Variants in OSBPL3 observed in about 807,000 individuals in gnomAD.
OSBPL3 encodes oxysterol-binding protein-related protein 3.
OSBPL3 carries 65 observed loss-of-function variants against 120.1 expected under a neutral mutation model. The observed-to-expected ratio is 0.54, with a 90% CI of 0.44 to 0.67. The LOEUF is 0.67. OSBPL3 is among the 30% of genes least tolerant of loss of function. The pLI is 0.00. For synonymous variants in OSBPL3, 416 were observed against 402.6 expected, an observed-to-expected ratio of 1.03 and a Z score of -0.40; for missense variants, 1,004 against 1,082.1, an observed-to-expected ratio of 0.93 and a Z score of 1.01.
intron 4 of OSBPL3, 91 bp from the exon 5 acceptor site, chr7:24,870,936 A>G (rs901836440): frequency 1.2e-6 from 1 of 823,872 alleles, no homozygotes; most frequent in Non-Finnish European, 2.1e-6. Flanking sequence ...CCCTGATAGT[A>G]AAATCACAAA....
chr7:24,917,419 T>TATATATATATATACAC (rs1164075805), intron 1 of OSBPL3, among the ~76,000 whole-genome samples: 3 of 141,732 alleles, frequency 2.1e-5, no homozygotes, highest in African/African-American at 7.9e-5. Context: ...TATATATATA[T>TATATATATATATACAC]ATATATATTT....
In OSBPL3 at chr7:24,862,857, A is replaced by T. The variant is rs1800769993; in HGVS notation, c.870+343T>A. ...ACAGGTCACAGCACACAGCAACTGC[A>T]GCCACAAAACAAGGCACAAACACAA... is the stretch of plus-strand genomic sequence containing the variant. On this transcript the variant is annotated intron_variant, in intron 9 of 22. Transcript: ENST00000313367. The surrounding 1 kb of genome is among the most constrained non-coding windows in gnomAD (Gnocchi z 4.4). 6.6e-6 allele frequency among the ~76,000 whole-genome samples: 1 copy of T among 152,208 alleles called. No individual in the cohort carries two copies. Among genetic ancestry groups the T allele is most frequent in the Non-Finnish European group, 1.5e-5 (1 of 68,040 alleles).
chr7:24,964,720 G>T lies in OSBPL3; in HGVS notation c.-150+15166C>A, dbSNP rs2128522980. On this transcript the variant is annotated intron_variant, in intron 1 of 22. Transcript: ENST00000313367. This position sits in a 1 kb window ranked among gnomAD's most constrained non-coding sequence, Gnocchi z 4.2. ...AGTTATTAATACTGCAACAGTACTG[G>T]TCTATTAATTGTGACAAAAGTATAC... Among the ~76,000 whole-genome samples, 1 of 152,278 alleles carries T rather than the reference G, an allele frequency of 6.6e-6. No individual in the cohort carries two copies. The highest frequency in any genetic ancestry group is 1.5e-5 in the Non-Finnish European group (1 of 68,006).
chr7:24,971,454 T>A (rs191949428), intron 1 of OSBPL3, among the ~76,000 whole-genome samples: 1 of 152,188 alleles, frequency 6.6e-6, no homozygotes, highest in Admixed American at 6.5e-5. Flanking sequence ...CAAAGCTGTA[T>A]GCACAGATGG....
chr7:24,866,080 G>GAAATGGAGTCAAACA lies in OSBPL3; in HGVS notation c.524_538dup (p.Ile179_Ser180insLeuPheAspSerIle). On this transcript the variant is annotated inframe_insertion, in exon 6 of 23. Coordinates refer to ENST00000313367, the MANE Select transcript of OSBPL3 (RefSeq NM_015550.4). ...CAAAACACTCATTACCTTCCTACTT[G>GAAATGGAGTCAAACA]AAATGGAGTCAAACACCCCAGATGA... 1 of 1,613,352 alleles carries GAAATGGAGTCAAACA rather than the reference G, an allele frequency of 6.2e-7. No homozygotes were observed.
At chr7:24,951,784 T>C (rs1350351824) in intron 1 of OSBPL3, among the ~76,000 whole-genome samples, 1 of 152,204 alleles carries the variant, frequency 6.6e-6, no homozygotes, top group African/African-American at 2.4e-5. Context: ...AAACTATTAA[T>C]TTCAGTCTAA....
At position 24,937,493 on chromosome 7, in the gene OSBPL3, T is replaced by C. The variant is rs1038229840; in HGVS notation, c.-150+42393A>G. Among the ~76,000 whole-genome samples the C allele has an allele frequency of 6.6e-6, 1 of 152,242 alleles. No homozygotes were observed. The highest frequency in any genetic ancestry group is 2.4e-5 in the African/African-American group (1 of 41,466). The stretch of plus-strand genomic sequence containing the variant: ...CATATAGTTTTAGTTCTTTCTGCTT[T>C]ATAGAATTTAATTTACTGAGTCCAT... On this transcript the variant is annotated intron_variant, in intron 1 of 22. Coordinates refer to ENST00000313367, the MANE Select transcript of OSBPL3 (RefSeq NM_015550.4). The surrounding 1 kb of genome is among the most constrained non-coding windows in gnomAD (Gnocchi z 4.0).
At chr7:24,963,861 C>A (rs907799682) in intron 1 of OSBPL3, among the ~76,000 whole-genome samples, 2 of 151,840 alleles carry the variant, frequency 1.3e-5, no homozygotes, top group African/African-American at 4.8e-5. Context: ...CAATATCACC[C>A]ATGCAAAAAA....
At position 24,946,999 on chromosome 7, in the gene OSBPL3, G is replaced by A. The variant is rs188336276; in HGVS notation, c.-150+32887C>T. ...AGCATTATTGTTCATTATTCTTGCC[G>A]CTTTCATGTCTTTAAATTGTACAAC... is the stretch of plus-strand genomic sequence containing the variant. On this transcript the variant is annotated intron_variant, in intron 1 of 22. Transcript: ENST00000313367. This position sits in a 1 kb window ranked among gnomAD's most constrained non-coding sequence, Gnocchi z 4.3. Among the ~76,000 whole-genome samples, 362 of 152,232 alleles carry A rather than the reference G, an allele frequency of 2.4e-3. 2 individuals are homozygous for A. Among genetic ancestry groups the A allele is most frequent in the Middle Eastern group, 0.01 (3 of 294 alleles).
At chr7:24,826,681 T>C (rs1795750102) in intron 16 of OSBPL3, among the ~76,000 whole-genome samples, 1 of 152,136 alleles carries the variant, frequency 6.6e-6, no homozygotes, top group South Asian at 2.1e-4. Flanking sequence ...GAGCGCCGTT[T>C]TGGAGATCAA....
intron 2 of OSBPL3, among the ~76,000 whole-genome samples, chr7:24,884,880 C>T (rs1384512137): frequency 6.6e-6 from 1 of 152,114 alleles, no homozygotes; most frequent in Non-Finnish European, 1.5e-5. Flanking sequence ...TTCCAAGGTC[C>T]CTCCTCCTTG....
At position 24,849,038 on chromosome 7, in the gene OSBPL3, G is replaced by A. The variant is rs777695513; in HGVS notation, c.1266+31C>T. 2 of 1,491,884 alleles carry A rather than the reference G, an allele frequency of 1.3e-6. No individual in the cohort carries two copies. The highest frequency in any genetic ancestry group is 1.1e-5 in the South Asian group (1 of 88,000). 92.4% of individuals were successfully genotyped at this position (1,491,884 alleles called of 1,614,324 possible). The stretch of plus-strand genomic sequence containing the variant: ...TATCACGGGAGCGGGCGGCAGCTGG[G>A]GAGACATTACCAGACGAGAAACCTA... On this transcript the variant is annotated intron_variant, in intron 12 of 22. Transcript: ENST00000313367. The surrounding 1 kb of genome is among the most constrained non-coding windows in gnomAD (Gnocchi z 5.4).
In OSBPL3 at chr7:24,834,895, T is replaced by C. The variant is rs1796818839; in HGVS notation, c.1496-159A>G. ...AGTCAGAAAACCGGCAAAAGAATTC[T>C]GAGCAATTAAATACCAAAAATGACA... is the stretch of plus-strand genomic sequence containing the variant. On this transcript the variant is annotated intron_variant, in intron 14 of 22. Coordinates refer to ENST00000313367, the MANE Select transcript of OSBPL3 (RefSeq NM_015550.4). The surrounding 1 kb of genome is among the most constrained non-coding windows in gnomAD (Gnocchi z 5.2). Among the ~76,000 whole-genome samples, 1 of 152,254 alleles carries C rather than the reference T, an allele frequency of 6.6e-6. No individual in the cohort carries two copies. The highest frequency in any genetic ancestry group is 1.5e-5 in the Non-Finnish European group (1 of 68,030).
upstream of OSBPL3, among the ~76,000 whole-genome samples, chr7:24,980,875 G>A (rs1399030944): frequency 6.6e-6 from 1 of 152,080 alleles, no homozygotes; most frequent in Non-Finnish European, 1.5e-5. Context: ...CTCCCTGAAA[G>A]ACGGAAAAGT....
chr7:24,949,811 T>C (rs929214962), intron 1 of OSBPL3, among the ~76,000 whole-genome samples: 4 of 152,166 alleles, frequency 2.6e-5, no homozygotes, highest in Non-Finnish European at 5.9e-5. Flanking sequence ...TCTGTTATTA[T>C]TGACTTTCTC....
intron 1 of OSBPL3, among the ~76,000 whole-genome samples, chr7:24,969,417 GT>G (rs1430847429): frequency 1.3e-5 from 2 of 152,166 alleles, no homozygotes; most frequent in African/African-American, 2.4e-5. Flanking sequence ...TTTCCTAAAT[GT>G]GTTGATTGCC....
rs995987419 is a variant in OSBPL3, at chr7:24,980,067, G to T, written c.-331C>A. The T allele has an allele frequency of 1.4e-5, 14 of 985,080 alleles. No individual in the cohort carries two copies. Among genetic ancestry groups the T allele is most frequent in the Non-Finnish European group, 1.7e-5 (14 of 829,706 alleles). 61.0% of individuals were successfully genotyped at this position (985,080 alleles called of 1,614,324 possible). A position where few individuals can be genotyped will look rare whatever the true frequency, so the allele number is the denominator to read the frequency against. On this transcript the variant is annotated 5_prime_UTR_variant, in exon 1 of 23. Coordinates refer to ENST00000313367, the MANE Select transcript of OSBPL3 (RefSeq NM_015550.4). The stretch of plus-strand genomic sequence containing the variant: ...TGGCCACTTGCAGACAGACTGCGGG[G>T]CCGGAGCCGCGCTGCGCACCGGCCG...
rs186986995 is a variant in OSBPL3 at position 24,819,832 on chromosome 7, T to C, written c.1948+343A>G. On this transcript the variant is annotated intron_variant, in intron 17 of 22. Coordinates refer to ENST00000313367, the MANE Select transcript of OSBPL3 (RefSeq NM_015550.4). This position sits in a 1 kb window ranked among gnomAD's most constrained non-coding sequence, Gnocchi z 4.1. Reference sequence around the variant, plus strand: ...CTCAAAAATGAAAAGAAGTAAGCAATGTAAAACACGACTTCAGAAATAAAA... The same window carrying C: ...CTCAAAAATGAAAAGAAGTAAGCAACGTAAAACACGACTTCAGAAATAAAA... Among the ~76,000 whole-genome samples the C allele has an allele frequency of 2.0e-5, 3 of 152,262 alleles. No individual in the cohort carries two copies. Among genetic ancestry groups the C allele is most frequent in the African/African-American group, 4.8e-5 (2 of 41,550 alleles).
chr7:24,869,987 A>AT (rs1472350460), intron 5 of OSBPL3, among the ~76,000 whole-genome samples: 4 of 152,230 alleles, frequency 2.6e-5, no homozygotes, highest in African/African-American at 9.6e-5. Flanking sequence ...AGCACATACA[A>AT]TAACTAAACT....
Sources: gnomAD v4.1 joint callset for allele counts (sites outside exome capture counted in the v4.1 genomes callset) on GRCh38, gnomAD v4.1.1 for gene constraint, Gnocchi (gnomAD v3.1) non-coding constraint, MANE v1.5 for transcripts, NCBI Gene and HGNC (gene_info 2026-07-23, HGNC 2026-07-21) for gene names.